Variants in SLIT2 observed in about 807,000 individuals in gnomAD.
SLIT2 encodes the protein slit homolog 2 protein.
In SLIT2, 41 loss-of-function variants were observed where a neutral mutation model predicts 185.7. The observed-to-expected ratio is 0.22, with a 90% CI of 0.17 to 0.29. The LOEUF is 0.29. SLIT2 is among the 10% of genes least tolerant of loss of function. SLIT2 has a pLI of 1.00. For synonymous variants in SLIT2, 693 were observed against 680.2 expected, an observed-to-expected ratio of 1.02 and a Z score of -0.29; for missense variants, 1,571 against 1,909.0, an observed-to-expected ratio of 0.82 and a Z score of 3.30.
intron 8 of SLIT2, among the ~76,000 whole-genome samples, chr4:20,490,275 A>G (rs1367574882): frequency 3.9e-5 from 6 of 152,188 alleles, no homozygotes; most frequent in South Asian, 2.1e-4. Flanking sequence ...TATTATCTCT[A>G]TATTTGGAGA....
chr4:20,450,611 G>A (rs1283472974), intron 4 of SLIT2, among the ~76,000 whole-genome samples: 1 of 152,130 alleles, frequency 6.6e-6, no homozygotes, highest in Admixed American at 6.6e-5. Context: ...TCTGATGAAG[G>A]AAAACTTCAA....
chr4:20,509,452 C>G (rs1211299667), intron 9 of SLIT2, among the ~76,000 whole-genome samples: 2 of 152,058 alleles, frequency 1.3e-5, no homozygotes, highest in East Asian at 3.9e-4. Flanking sequence ...GTGGACATCC[C>G]CTGAGACAGA....
At chr4:20,402,752 A>AT (rs1249581655) in intron 4 of SLIT2, among the ~76,000 whole-genome samples, 1 of 151,720 alleles carries the variant, frequency 6.6e-6, no homozygotes, top group Non-Finnish European at 1.5e-5. Flanking sequence ...AAGGTAACAT[A>AT]TTTTTTCAAT....
chr4:20,446,445 G>A (rs771488575), intron 4 of SLIT2, among the ~76,000 whole-genome samples: 3 of 152,166 alleles, frequency 2.0e-5, no homozygotes, highest in African/African-American at 7.2e-5. Flanking sequence ...AGCAGCAATA[G>A]TAGGGGAAGC....
intron 4 of SLIT2, among the ~76,000 whole-genome samples, chr4:20,282,392 G>A (rs868702211): frequency 5.3e-5 from 8 of 152,066 alleles, no homozygotes; most frequent in African/African-American, 1.7e-4. Context: ...AATCATAAGT[G>A]TGATATCTAT....
intron 16 of SLIT2, 71 bp from the exon 17 acceptor site, chr4:20,531,913 T>A: frequency 1.2e-6 from 1 of 803,544 alleles, no homozygotes; most frequent in East Asian, 2.7e-5. Context: ...AGAATTCATT[T>A]TGAGAAATCA....
chr4:20,400,876 A>G (rs1403647211), intron 4 of SLIT2, among the ~76,000 whole-genome samples: 3 of 151,832 alleles, frequency 2.0e-5, no homozygotes, highest in Non-Finnish European at 2.9e-5. Context: ...GCCATGTGTT[A>G]GTATATCCTG....
chr4:20,309,038 T>A (rs185902180), intron 4 of SLIT2, among the ~76,000 whole-genome samples: 114 of 152,216 alleles, frequency 7.5e-4, no homozygotes, highest in African/African-American at 2.6e-3. Context: ...AGATTCATCA[T>A]TATTATCATA....
chr4:20,448,732 A>C (rs1010253420), intron 4 of SLIT2, among the ~76,000 whole-genome samples: 1 of 151,896 alleles, frequency 6.6e-6, no homozygotes, highest in East Asian at 1.9e-4. Context: ...CCACCTCCCA[A>C]GTTCAAGTGA....
intron 4 of SLIT2, among the ~76,000 whole-genome samples, chr4:20,399,853 G>C (rs1224220870): frequency 6.6e-6 from 1 of 151,752 alleles, no homozygotes; most frequent in East Asian, 1.9e-4. Flanking sequence ...ACCTGAGAGG[G>C]ATAAGTTCCA....
intron 4 of SLIT2, among the ~76,000 whole-genome samples, chr4:20,429,526 G>A (rs964524177): frequency 4.6e-5 from 7 of 152,030 alleles, no homozygotes; most frequent in African/African-American, 9.7e-5. Flanking sequence ...TAATGATTAC[G>A]TACACAAATA....
chr4:20,252,159 C>G lies in SLIT2; in HGVS notation c.-1657C>G, dbSNP rs1353434231. ...CGCAGCCGGCTCCGGAGGCGCGGGC[C>G]GGGTTTTTGTTTGGCTACGCTGAGC... On this transcript the variant is annotated 5_prime_UTR_variant, in exon 1 of 37. Coordinates refer to ENST00000504154, the MANE Select transcript of SLIT2 (RefSeq NM_004787.4). 5.9e-5 allele frequency among the ~76,000 whole-genome samples: 9 copies of G among 152,038 alleles called. No homozygotes were observed. Among genetic ancestry groups the G allele is most frequent in the Non-Finnish European group, 1.3e-4 (9 of 67,988 alleles).
chr4:20,405,530 T>A (rs1053440677), intron 4 of SLIT2, among the ~76,000 whole-genome samples: 1 of 152,000 alleles, frequency 6.6e-6, no homozygotes, highest in Admixed American at 6.6e-5. Context: ...GCATAGTGTC[T>A]GGCACATAAT....
At chr4:20,582,647 T>G (rs1164180584) in intron 29 of SLIT2, among the ~76,000 whole-genome samples, 2 of 152,206 alleles carry the variant, frequency 1.3e-5, no homozygotes, top group African/African-American at 4.8e-5. Context: ...TGTTCACAAC[T>G]TTGCAGAGAT....
chr4:20,417,810 T>A (rs554402540), intron 4 of SLIT2, among the ~76,000 whole-genome samples: 5 of 152,080 alleles, frequency 3.3e-5, no homozygotes, highest in Admixed American at 2.0e-4. Flanking sequence ...CTTCCCACAA[T>A]CTTAACCAGT....
At position 20,254,410 on chromosome 4, in the gene SLIT2, C is replaced by T. The variant is rs922080316; in HGVS notation, c.179+416C>T. Among the ~76,000 whole-genome samples, 2 of 152,180 alleles carry T rather than the reference C, an allele frequency of 1.3e-5. No homozygotes were observed. The highest frequency in any genetic ancestry group is 6.5e-5 in the Admixed American group (1 of 15,290). On this transcript the variant is annotated intron_variant, in intron 1 of 36. Transcript: ENST00000504154. The surrounding 1 kb of genome is among the most constrained non-coding windows in gnomAD (Gnocchi z 5.1). ...TTCAGAGCCCAGTCCTCGCTCTTGT[C>T]GCAGGCTGGCGCGGAGGGGATAGCA...
intron 4 of SLIT2, among the ~76,000 whole-genome samples, chr4:20,307,380 A>C (rs987845870): frequency 6.6e-6 from 1 of 151,094 alleles, no homozygotes; most frequent in African/African-American, 2.4e-5. Context: ...CTCCTGCCTC[A>C]GCCTCCCACG....
chr4:20,343,999 C>T (rs1215152753), intron 4 of SLIT2, among the ~76,000 whole-genome samples: 1 of 151,984 alleles, frequency 6.6e-6, no homozygotes, highest in Non-Finnish European at 1.5e-5. Flanking sequence ...TACAGATGTG[C>T]ACCACCACAC....
rs532996867 is a variant in SLIT2 at position 20,377,972 on chromosome 4, G to A, written c.396-89780G>A. The stretch of plus-strand genomic sequence containing the variant: ...ACCATAATGGTGGTTTTAGAAAGTT[G>A]TTCTTGTGACCTAATAATGTGGTGA... On this transcript the variant is annotated intron_variant, in intron 4 of 36. Transcript: ENST00000504154. Among the ~76,000 whole-genome samples the A allele has an allele frequency of 5.7e-4, 87 of 152,194 alleles. No homozygotes were observed. The South Asian group carries it at 0.014, about 25-fold the overall frequency.
Sources: allele counts gnomAD v4.1 joint callset (sites outside exome capture counted in the v4.1 genomes callset), GRCh38; gene constraint gnomAD v4.1.1; non-coding constraint Gnocchi (gnomAD v3.1); transcripts MANE v1.5; gene names NCBI Gene and HGNC (gene_info 2026-07-23, HGNC 2026-07-21).